Variants in TSHZ2 observed in about 807,000 individuals in gnomAD.
TSHZ2 encodes the protein teashirt zinc finger homeobox 2, also known as teashirt homolog 2.
A neutral mutation model predicts 74.4 loss-of-function variants in TSHZ2; 21 were observed. The observed-to-expected ratio is 0.28, with a 90% confidence interval of 0.20 to 0.41. TSHZ2 has a LOEUF of 0.41. Ranked by LOEUF, TSHZ2 falls within the 10% of genes least tolerant of loss-of-function variation. The probability of loss-of-function intolerance (pLI) is 1.00; values close to 1 mark genes in which losing one functional copy is unlikely to be tolerated. For synonymous variants in TSHZ2, 540 were observed against 515.3 expected (o/e 1.05, Z -0.65); for missense variants, 1,244 against 1,293.5 (o/e 0.96, Z 0.59).
Position 53,268,087 on chromosome 20 carries a change from C to T in TSHZ2, c.*8+11516C>T, listed in dbSNP as rs529096455. ...CTTGGCCACTTGGGGATGGAGCCTT[C>T]GGAGGCCTTTTCAGGAGAAAGTGTG... On this transcript the variant is annotated intron_variant, in intron 2 of 2. Transcript: ENST00000371497. Among the ~76,000 whole-genome samples the T allele has an allele frequency of 5.3e-5, 8 of 152,174 alleles. No individual in the cohort carries two copies. In the South Asian group the frequency reaches 1.0e-3, roughly 20 times the overall value.
At chr20:53,442,552 GTGAGTCCCCGTAA>G (rs1984377487) in intron 2 of TSHZ2, among the ~76,000 whole-genome samples, 1 of 152,132 alleles carries the variant, frequency 6.6e-6, no homozygotes, top group South Asian at 2.1e-4. Flanking sequence ...TCGGGAAGGT[GTGAGTCCCCGTAA>G]TATCGTAATG....
At chr20:53,445,909 G>A (rs1241346146) in intron 2 of TSHZ2, among the ~76,000 whole-genome samples, 1 of 152,134 alleles carries the variant, frequency 6.6e-6, no homozygotes, top group Non-Finnish European at 1.5e-5. Flanking sequence ...ATGTATCCAA[G>A]GGTACAAGGG....
intron 2 of TSHZ2, among the ~76,000 whole-genome samples, chr20:53,265,663 T>TGGCTG (rs1374967405): frequency 2.0e-5 from 3 of 152,248 alleles, no homozygotes; most frequent in East Asian, 3.8e-4. Flanking sequence ...TGACATTCTG[T>TGGCTG]GGCTGCTCCT....
At position 53,256,943 on chromosome 20, in the gene TSHZ2, C is replaced by G. The variant is rs1420049674; in HGVS notation, c.*8+372C>G. Reference sequence around the variant, plus strand: ...CTTCTGTCACCATTCCATTTCACCACCCCACCTTTCCATAGCAATGCCAAT... The same window carrying G: ...CTTCTGTCACCATTCCATTTCACCAGCCCACCTTTCCATAGCAATGCCAAT... On this transcript the variant is annotated intron_variant, in intron 2 of 2. Coordinates refer to ENST00000371497, the MANE Select transcript of TSHZ2 (RefSeq NM_173485.6). The surrounding 1 kb of genome is among the most constrained non-coding windows in gnomAD (Gnocchi z 4.3). 6.6e-6 allele frequency among the ~76,000 whole-genome samples: 1 copy of G among 152,194 alleles called. No individual in the cohort carries two copies. The highest frequency in any genetic ancestry group is 1.5e-5 in the Non-Finnish European group (1 of 68,032).
chr20:53,265,703 G>A (rs1257077715), intron 2 of TSHZ2, among the ~76,000 whole-genome samples: 10 of 152,208 alleles, frequency 6.6e-5, no homozygotes, highest in Admixed American at 4.6e-4. Flanking sequence ...TGGCCCACCT[G>A]ATGGTTTTTG....
intron 2 of TSHZ2, among the ~76,000 whole-genome samples, chr20:53,446,503 C>G (rs1984552608): frequency 6.7e-6 from 1 of 150,354 alleles, no homozygotes; most frequent in African/African-American, 2.5e-5. Context: ...GGCGTGAACC[C>G]AGGCGGCAGA....
chr20:53,192,664 T>C (rs913480280), intron 1 of TSHZ2, among the ~76,000 whole-genome samples: 2 of 151,630 alleles, frequency 1.3e-5, no homozygotes, highest in African/African-American at 4.8e-5. Flanking sequence ...CTCTCCTGGG[T>C]GTCTCCTGAC....
At chr20:53,431,456 CA>C (rs58938803) in intron 2 of TSHZ2, among the ~76,000 whole-genome samples, 95,559 of 134,458 alleles carry the variant, frequency 0.71, 33,841 homozygotes, top group African/African-American at 0.89. Context: ...AACTCTGTCT[CA>C]AAAAAAAAAA....
At chr20:53,006,063 C>G (rs1816665461) in intron 1 of TSHZ2, among the ~76,000 whole-genome samples, 1 of 152,164 alleles carries the variant, frequency 6.6e-6, no homozygotes, top group Admixed American at 6.5e-5. Flanking sequence ...TAACTTATAA[C>G]CAGTTCCATT....
At chr20:53,305,227 C>T (rs758822393) in intron 2 of TSHZ2, among the ~76,000 whole-genome samples, 2 of 152,102 alleles carry the variant, frequency 1.3e-5, no homozygotes, top group Admixed American at 6.6e-5. Flanking sequence ...CATGAGCCAC[C>T]GCGCCTGGCC....
At chr20:53,248,891 T>A (rs544772619) in intron 1 of TSHZ2, among the ~76,000 whole-genome samples, 3 of 152,208 alleles carry the variant, frequency 2.0e-5, no homozygotes, top group African/African-American at 4.8e-5. Flanking sequence ...CAGGCTGGAG[T>A]GCAGTGGCAG....
At chr20:53,052,027 A>T (rs75886068) in intron 1 of TSHZ2, among the ~76,000 whole-genome samples, 1 of 152,156 alleles carries the variant, frequency 6.6e-6, no homozygotes, top group Admixed American at 6.5e-5. Context: ...ATTGTTAAGT[A>T]TACAGTTTAG....
At chr20:53,398,863 G>T (rs144189789) in intron 2 of TSHZ2, 1 of 152,078 alleles carries the variant, frequency 6.6e-6, no homozygotes, top group Non-Finnish European at 1.5e-5. Context: ...ATGGGATTCC[G>T]GAAGATTAAA....
chr20:53,230,003 AAGAG>A (rs921593095), intron 1 of TSHZ2, among the ~76,000 whole-genome samples: 8 of 141,782 alleles, frequency 5.6e-5, no homozygotes, highest in African/African-American at 1.5e-4. Flanking sequence ...GGAAGACAGA[AAGAG>A]AGGAAGGGAA....
chr20:53,038,544 G>A (rs889759884), intron 1 of TSHZ2, among the ~76,000 whole-genome samples: 4 of 152,124 alleles, frequency 2.6e-5, no homozygotes, highest in Non-Finnish European at 5.9e-5. Flanking sequence ...ATGACATAAT[G>A]GCTGCCTTTT....
intron 2 of TSHZ2, among the ~76,000 whole-genome samples, chr20:53,375,650 G>T (rs1040657391): frequency 3.9e-5 from 6 of 152,150 alleles, no homozygotes; most frequent in African/African-American, 1.2e-4. Context: ...CCCATCTCGG[G>T]GTGCCTATGG....
intron 1 of TSHZ2, among the ~76,000 whole-genome samples, chr20:53,029,017 T>A (rs191982269): frequency 1.9e-3 from 294 of 152,354 alleles, no homozygotes; most frequent in African/African-American, 6.9e-3. Flanking sequence ...ATTGGATACT[T>A]ACAAAGGAAT....
intron 1 of TSHZ2, among the ~76,000 whole-genome samples, chr20:52,996,606 G>A (rs1767097260): frequency 6.6e-6 from 1 of 152,068 alleles, no homozygotes; most frequent in Admixed American, 6.5e-5. Flanking sequence ...AGACTAACTG[G>A]TTGGATTGCA....
chr20:53,095,865 A>C (rs1201595913), intron 1 of TSHZ2, among the ~76,000 whole-genome samples: 1 of 152,178 alleles, frequency 6.6e-6, no homozygotes, highest in Admixed American at 6.5e-5. Flanking sequence ...AGTGGGGAGC[A>C]GAGGATTATC....
Sources: gnomAD v4.1 joint callset for allele counts (sites outside exome capture counted in the v4.1 genomes callset) on GRCh38, gnomAD v4.1.1 for gene constraint, Gnocchi (gnomAD v3.1) non-coding constraint, MANE v1.5 for transcripts, NCBI Gene and HGNC (gene_info 2026-07-23, HGNC 2026-07-21) for gene names.